The following ATAD3B variants were observed in gnomAD, a reference collection of about 807,000 sequenced individuals.
The protein encoded by ATAD3B is ATPase family AAA domain-containing protein 3B.
ATAD3B carries 59 observed loss-of-function variants against 70.2 expected under a neutral mutation model. The observed-to-expected ratio is 0.84, with a 90% confidence interval of 0.68 to 1.04. The LOEUF is 1.04. Among genes scored for constraint, ATAD3B ranks in the 50% least tolerant of loss-of-function variants. The pLI is 0.00. For synonymous variants in ATAD3B, 423 were observed against 388.6 expected (o/e 1.09, Z -1.04); for missense variants, 961 against 913.4 (o/e 1.05, Z -0.67).
At chr1:1,501,551 G>A (rs538309030), downstream of ATAD3B, among the ~76,000 whole-genome samples, 13 of 152,066 alleles carry the variant, frequency 8.5e-5, no homozygotes, top group African/African-American at 2.4e-4. Context: ...CACCGTGCCC[G>A]GCCTAATTTT....
the ATAD3B span, chr1:1,509,210 G>A: frequency 7.4e-6 from 12 of 1,612,688 alleles, no homozygotes; most frequent in Non-Finnish European, 9.3e-6. Context: ...ACTAGGCCAC[G>A]GCGTATGCCT....
chr1:1,495,949 G>A lies in ATAD3B; in HGVS notation c.*132G>A. 1.4e-6 allele frequency: 2 copies of A among 1,404,090 alleles called. No homozygotes were observed. Among genetic ancestry groups the A allele is most frequent in the South Asian group, 1.7e-5 (1 of 59,808 alleles). The allele number at this position is 1,404,090 out of a possible 1,614,324, so 87.0% of individuals were successfully genotyped here. On this transcript the variant is annotated 3_prime_UTR_variant, in exon 16 of 16. Transcript: ENST00000673477. Reference sequence around the variant, plus strand: ...CCCTGCCCAGGCCACTGTGAGGGTGGGTGCTGGCTGAGCCCCTGGGGCAGA... The same window carrying A: ...CCCTGCCCAGGCCACTGTGAGGGTGAGTGCTGGCTGAGCCCCTGGGGCAGA...
intron 7 of ATAD3B, chr1:1,483,093 G>T (rs1210070458): frequency 2.2e-6 from 1 of 453,154 alleles, no homozygotes; most frequent in Non-Finnish European, 4.4e-6. Flanking sequence ...CGGAGATCGA[G>T]ATCATCCTGG....
chr1:1,499,306 G>A (rs529435142), downstream of ATAD3B, among the ~76,000 whole-genome samples: 3 of 134,294 alleles, frequency 2.2e-5, no homozygotes, highest in Non-Finnish European at 3.1e-5. Flanking sequence ...TTTTGGTCTC[G>A]GCTTACTGTA....
At position 1,482,902 on chromosome 1, in the gene ATAD3B, G is replaced by A. The variant is rs1043322193; in HGVS notation, c.750+288G>A. 190 of 522,092 alleles carry A rather than the reference G, an allele frequency of 3.6e-4. 3 individuals carry two copies. The highest frequency in any genetic ancestry group is 4.2e-4 in the Non-Finnish European group (115 of 276,648). The allele number at this position is 522,092 out of a possible 1,614,324, so 32.3% of individuals were successfully genotyped here. On this transcript the variant is annotated intron_variant, in intron 7 of 15. Coordinates refer to ENST00000673477, the MANE Select transcript of ATAD3B (RefSeq NM_031921.6). ...CTGTGGTCCTGCTACTCGAGAGGCT[G>A]AGGTAGGAGGATCACTTAAGCCCAG... is the stretch of plus-strand genomic sequence containing the variant.
At position 1,485,813 on chromosome 1, in the gene ATAD3B, A is replaced by G. The variant is rs548725739; in HGVS notation, c.938A>G (p.Asp313Gly). 364 of 1,612,756 alleles carry G rather than the reference A, an allele frequency of 2.3e-4. 5 individuals are homozygous for G. Among genetic ancestry groups the G allele is most frequent in the Non-Finnish European group, 2.9e-4 (343 of 1,179,430 alleles). Residue 313 changes from aspartate (D) to glycine (G), a missense_variant, in exon 9 of 16, where the codon GAC (aspartate) becomes GGC (glycine). Asp to Gly is a moderately conservative substitution (Grantham distance 94). Coordinates refer to ENST00000673477, the MANE Select transcript of ATAD3B (RefSeq NM_031921.6). The part of the protein sequence containing the change: ...VSRRLLSRPQ[D>G]VLEGVVLSPS... Reference sequence around the variant, plus strand: ...CGGCGGCTCCTCAGTCGACCCCAGGACGTGCTGGAGGGTGTTGTGCTTAGT... The same window carrying G: ...CGGCGGCTCCTCAGTCGACCCCAGGGCGTGCTGGAGGGTGTTGTGCTTAGT...
At chr1:1,503,211 G>A in the ATAD3B span, 59 of 184,808 alleles carry the variant, frequency 3.2e-4, no homozygotes, top group Non-Finnish European at 5.0e-4. Context: ...GCGACAGAGC[G>A]AGATTCCGTC....
chr1:1,502,471 G>A (rs1640965760), downstream of ATAD3B, among the ~76,000 whole-genome samples: 1 of 147,748 alleles, frequency 6.8e-6, no homozygotes, highest in Non-Finnish European at 1.5e-5. Context: ...GCCTCCCAAA[G>A]TGCTGGGATT....
At chr1:1,500,818 G>A (rs1362944711), downstream of ATAD3B, among the ~76,000 whole-genome samples, 21 of 151,560 alleles carry the variant, frequency 1.4e-4, no homozygotes, top group South Asian at 6.3e-4. Context: ...TTAGCCGGGC[G>A]TGGTAGCAGG....
chr1:1,482,998 C>T (rs1254994155), intron 7 of ATAD3B: 2 of 462,436 alleles, frequency 4.3e-6, no homozygotes, highest in African/African-American at 2.0e-5. Flanking sequence ...AAGACCTTGT[C>T]TCAAGAAAAA....
chr1:1,502,296 C>G (rs1440115951), downstream of ATAD3B, among the ~76,000 whole-genome samples: 2 of 151,392 alleles, frequency 1.3e-5, no homozygotes, highest in Admixed American at 6.6e-5. Flanking sequence ...CTCACTACAA[C>G]CTCCGCCTCC....
intron 15 of ATAD3B, among the ~76,000 whole-genome samples, chr1:1,492,311 C>T (rs1640579376): frequency 6.6e-6 from 1 of 150,850 alleles, no homozygotes; most frequent in Admixed American, 6.6e-5. Context: ...ACATGATGAA[C>T]CCCACCTCTA....
At chr1:1,479,509 C>G (rs568567786) in intron 4 of ATAD3B, among the ~76,000 whole-genome samples, 2 of 143,616 alleles carry the variant, frequency 1.4e-5, no homozygotes, top group African/African-American at 2.6e-5. Context: ...GGGGCATGGA[C>G]AGACACCCGC....
At chr1:1,488,079 T>A (rs561250890) in intron 12 of ATAD3B, among the ~76,000 whole-genome samples, 165 bp downstream of exon 12, 1 of 151,664 alleles carries the variant, frequency 6.6e-6, no homozygotes, top group African/African-American at 2.4e-5. Flanking sequence ...CTCAGCCCCC[T>A]GAGTAGCTGG....
chr1:1,483,543 G>A (rs764725948), intron 7 of ATAD3B: 25 of 176,548 alleles, frequency 1.4e-4, no homozygotes, highest in Non-Finnish European at 2.9e-4. Context: ...AGGCCAAGAC[G>A]GGTGGATCAC....
intron 12 of ATAD3B, among the ~76,000 whole-genome samples, chr1:1,488,623 G>C (rs147215319): frequency 2.6e-5 from 4 of 152,000 alleles, no homozygotes; most frequent in East Asian, 1.9e-4. Flanking sequence ...GCCGGGCGTC[G>C]TGGGGCACGC....
rs576301585 is a variant in ATAD3B at position 1,471,790 on chromosome 1, C to T, written c.-95C>T. On this transcript the variant is annotated 5_prime_UTR_variant, in exon 1 of 16. Coordinates refer to ENST00000673477, the MANE Select transcript of ATAD3B (RefSeq NM_031921.6). Reference sequence around the variant, plus strand: ...GTTTCGCCTGCGCAGTGGTCCTGGCCACCGGCTCGCGGCGCGTGGAGGCTG... The same window carrying T: ...GTTTCGCCTGCGCAGTGGTCCTGGCTACCGGCTCGCGGCGCGTGGAGGCTG... The T allele has an allele frequency of 2.5e-6, 3 of 1,218,502 alleles. No individual in the cohort carries two copies. Among genetic ancestry groups the T allele is most frequent in the South Asian group, 8.1e-5 (2 of 24,606 alleles). The allele number at this position is 1,218,502 out of a possible 1,614,324, so 75.5% of individuals were successfully genotyped here. A position where few individuals can be genotyped will look rare whatever the true frequency, so the allele number is the denominator to read the frequency against.
downstream of ATAD3B, among the ~76,000 whole-genome samples, chr1:1,499,251 G>A (rs370990520): frequency 1.3e-4 from 20 of 150,096 alleles, no homozygotes; most frequent in African/African-American, 3.7e-4. Flanking sequence ...GATTACAGGC[G>A]TGAGCCAGTG....
Position 1,495,965 on chromosome 1 carries a change from C to T in ATAD3B, c.*148C>T. 7.2e-7 allele frequency: 1 copy of T among 1,389,724 alleles called. No homozygotes were observed. Among genetic ancestry groups the T allele is most frequent in the Non-Finnish European group, 9.3e-7 (1 of 1,073,986 alleles). The allele number at this position is 1,389,724 out of a possible 1,614,324, so 86.1% of individuals were successfully genotyped here. ...GTGAGGGTGGGTGCTGGCTGAGCCC[C>T]TGGGGCAGAAGGAGTGGGGCAGGCG... On this transcript the variant is annotated 3_prime_UTR_variant, in exon 16 of 16. Transcript: ENST00000673477.
Sources: allele counts gnomAD v4.1 joint callset (sites outside exome capture counted in the v4.1 genomes callset), GRCh38; gene constraint gnomAD v4.1.1; transcripts MANE v1.5; gene names NCBI Gene and HGNC (gene_info 2026-07-23, HGNC 2026-07-21).